Variants in ADSS2 observed in about 807,000 individuals in gnomAD.
ADSS2 encodes adenylosuccinate synthase 2, also known as adenylosuccinate synthetase isozyme 2.
ADSS2 carries 30 observed loss-of-function variants against 60.0 expected under a neutral mutation model. The ratio of observed to expected loss-of-function variants is 0.50; its 90% CI spans 0.37 to 0.68. The LOEUF (loss-of-function observed/expected upper bound fraction) is 0.68. Ranked by LOEUF, ADSS2 falls within the 30% of genes least tolerant of loss-of-function variation. The pLI is 0.00. For missense variants in ADSS2, 373 were observed against 554.8 expected (o/e 0.67, Z 3.29); for synonymous variants, 187 against 193.1 (o/e 0.97, Z 0.26).
In ADSS2 at chr1:244,451,666, G is replaced by A. The variant is rs750644509; in HGVS notation, c.152C>T (p.Ala51Val). The A allele has an allele frequency of 1.2e-6, 2 of 1,610,998 alleles. No homozygotes were observed. The highest frequency in any genetic ancestry group is 1.1e-5 in the South Asian group (1 of 90,754). The part of the protein sequence containing the change: ...EGKGKVVDLL[A>V]QDADIVCRCQ... ...GCGGCACACGATGTCGGCGTCCTGC[G>A]CCAGCAGGTCCACCACCTTCCCTTT... is the stretch of plus-strand genomic sequence containing the variant. Residue 51 changes from alanine (A) to valine (V), a missense_variant, in exon 1 of 13, where the codon GCG becomes GTG. Coordinates refer to ENST00000366535, the MANE Select transcript of ADSS2 (RefSeq NM_001126.5). The surrounding 1 kb of genome is among the most constrained non-coding windows in gnomAD (Gnocchi z 6.6).
In ADSS2 at chr1:244,422,866, A is replaced by G. The variant is rs774342769; in HGVS notation, c.632T>C (p.Ile211Thr). Residue 211 changes from isoleucine (I) to threonine (T), a missense_variant, in exon 7 of 13, where the codon ATA becomes ACA. This residue lies in a region of ADSS2 where 139 missense variants were observed against 189.4 expected (regional missense o/e 0.73). Coordinates refer to ENST00000366535, the MANE Select transcript of ADSS2 (RefSeq NM_001126.5). ...QYKSIYPTLE[I>T]DIEGELQKLK... The stretch of plus-strand genomic sequence containing the variant: ...TTTTTGTAATTCACCTTCAATGTCT[A>G]TTTCCAAAGTGGGGTATATAGATTT... 4.4e-6 allele frequency: 7 copies of G among 1,600,310 alleles called. No homozygotes were observed. Among genetic ancestry groups the G allele is most frequent in the Admixed American group, 3.3e-5 (2 of 59,942 alleles).
intron 7 of ADSS2, among the ~76,000 whole-genome samples, chr1:244,421,338 T>C (rs1373368103): frequency 6.6e-6 from 1 of 152,232 alleles, no homozygotes; most frequent in African/African-American, 2.4e-5. Flanking sequence ...TTTAAATATG[T>C]AGACTATTAT....
chr1:244,426,208 A>C (rs762059022), intron 4 of ADSS2, among the ~76,000 whole-genome samples: 1 of 152,192 alleles, frequency 6.6e-6, no homozygotes, highest in Non-Finnish European at 1.5e-5. Context: ...ATCTTAGAGT[A>C]CGCCATTCTC....
intron 1 of ADSS2, among the ~76,000 whole-genome samples, chr1:244,438,129 A>G (rs1031972888): frequency 6.6e-6 from 1 of 152,176 alleles, no homozygotes; most frequent in Non-Finnish European, 1.5e-5. Context: ...TTCCATCTAC[A>G]CACACACAAA....
intron 10 of ADSS2, among the ~76,000 whole-genome samples, chr1:244,416,841 C>G (rs567489865): frequency 6.6e-6 from 1 of 152,260 alleles, no homozygotes; most frequent in Admixed American, 6.5e-5. Context: ...GTGAGAAAAA[C>G]CACATCAAGG....
intron 11 of ADSS2, among the ~76,000 whole-genome samples, chr1:244,413,075 C>T (rs574306258): frequency 9.9e-5 from 15 of 152,284 alleles, no homozygotes; most frequent in African/African-American, 3.4e-4. Flanking sequence ...AGGAACAAGA[C>T]AACATTTGCC....
chr1:244,451,932 C>A, upstream of ADSS2: 2 of 1,117,462 alleles, frequency 1.8e-6, no homozygotes, highest in Admixed American at 3.2e-5. The surrounding 1 kb of genome is among the most constrained non-coding windows in gnomAD (Gnocchi z 6.6). Flanking sequence ...AGAGGCCGGC[C>A]CCGCCCCCGC....
chr1:244,450,636 T>C (rs1428093250), intron 1 of ADSS2, among the ~76,000 whole-genome samples: 1 of 152,196 alleles, frequency 6.6e-6, no homozygotes, highest in African/African-American at 2.4e-5. Context: ...AAATATTACA[T>C]TATGCTTTGT....
In ADSS2 at chr1:244,409,555, C is replaced by A; in HGVS notation, c.*31G>T. ...TAAGAAAGTCTTTTCCCCTCCCTCT[C>A]AAGGAGTGTTTCTTGCATTACTGGC... On this transcript the variant is annotated 3_prime_UTR_variant, in exon 13 of 13. Coordinates refer to ENST00000366535, the MANE Select transcript of ADSS2 (RefSeq NM_001126.5). 1 of 1,553,412 alleles carries A rather than the reference C, an allele frequency of 6.4e-7. No individual in the cohort carries two copies. Among genetic ancestry groups the A allele is most frequent in the South Asian group, 1.1e-5 (1 of 88,646 alleles).
chr1:244,451,437 C>A lies in ADSS2; in HGVS notation c.183+198G>T, dbSNP rs533210011. ...CTCCAGGGCCACCCCAAGTTTCACC[C>A]GACGCTCCAGGTCAGGGGTCCCCGA... On this transcript the variant is annotated intron_variant, in intron 1 of 12. Coordinates refer to ENST00000366535, the MANE Select transcript of ADSS2 (RefSeq NM_001126.5). The surrounding 1 kb of genome is among the most constrained non-coding windows in gnomAD (Gnocchi z 6.6). 6.6e-6 allele frequency among the ~76,000 whole-genome samples: 1 copy of A among 152,326 alleles called. No homozygotes were observed. Among genetic ancestry groups the A allele is most frequent in the South Asian group, 2.1e-4 (1 of 4,830 alleles).
Position 244,409,253 on chromosome 1 carries a change from A to C in ADSS2, c.*333T>G, listed in dbSNP as rs1473595764. Reference sequence around the variant, plus strand: ...TAAAACTTAAGAACACGCAATGACAATAATGAAGAAAAACTACATTAAAAG... The same window carrying C: ...TAAAACTTAAGAACACGCAATGACACTAATGAAGAAAAACTACATTAAAAG... On this transcript the variant is annotated 3_prime_UTR_variant, in exon 13 of 13. Coordinates refer to ENST00000366535, the MANE Select transcript of ADSS2 (RefSeq NM_001126.5). The C allele has an allele frequency of 5.0e-6, 1 of 200,552 alleles. No individual in the cohort carries two copies. The highest frequency in any genetic ancestry group is 1.2e-4 in the East Asian group (1 of 8,492). The allele number at this position is 200,552 out of a possible 1,614,324, so 12.4% of individuals were successfully genotyped here.
intron 11 of ADSS2, among the ~76,000 whole-genome samples, chr1:244,412,611 A>G (rs760799066): frequency 2.0e-5 from 3 of 152,212 alleles, no homozygotes; most frequent in Non-Finnish European, 4.4e-5. Flanking sequence ...CAGAACTTAG[A>G]CAAAATTCCA....
intron 1 of ADSS2, among the ~76,000 whole-genome samples, chr1:244,445,841 A>C (rs1042441018): frequency 1.1e-4 from 16 of 152,164 alleles, no homozygotes; most frequent in African/African-American, 2.9e-4. Flanking sequence ...ACCTGAAACA[A>C]TGGTCTCTTT....
At chr1:244,410,357 T>C (rs1664383254) in intron 12 of ADSS2, among the ~76,000 whole-genome samples, 1 of 152,102 alleles carries the variant, frequency 6.6e-6, no homozygotes, top group African/African-American at 2.4e-5. Context: ...CAAATATCCA[T>C]CAATGCCAAC....
At chr1:244,435,194 A>AAAAAAAAAAAAAAAAAACAAAC (rs1553308065) in intron 3 of ADSS2, among the ~76,000 whole-genome samples, 1 of 127,852 alleles carries the variant, frequency 7.8e-6, no homozygotes, top group African/African-American at 3.2e-5. Flanking sequence ...AAAAAAAAAA[A>AAAAAAAAAAAAAAAAAACAAAC]AAACAAACCT....
At chr1:244,439,750 A>G (rs1665192259) in intron 1 of ADSS2, among the ~76,000 whole-genome samples, 1 of 152,158 alleles carries the variant, frequency 6.6e-6, no homozygotes, top group African/African-American at 2.4e-5. Context: ...TGTGGCCCAG[A>G]CTATCTTCCA....
chr1:244,450,374 T>A (rs1327760218), intron 1 of ADSS2, among the ~76,000 whole-genome samples: 1 of 152,214 alleles, frequency 6.6e-6, no homozygotes, highest in Non-Finnish European at 1.5e-5. Flanking sequence ...GTGCAACAGC[T>A]ATTTCAGAAT....
intron 9 of ADSS2, 118 bp downstream of exon 9, chr1:244,418,642 T>C: frequency 9.3e-7 from 1 of 1,072,238 alleles, no homozygotes; most frequent in East Asian, 2.9e-5. Context: ...TTTAAGAAAA[T>C]GTTGTTCTGA....
At position 244,409,574 on chromosome 1, in the gene ADSS2, T is replaced by C. The variant is rs1482569529; in HGVS notation, c.*12A>G. 2.2e-5 allele frequency: 35 copies of C among 1,599,516 alleles called. No individual in the cohort carries two copies. Among genetic ancestry groups the C allele is most frequent in the Admixed American group, 8.4e-5 (5 of 59,724 alleles). ...CCCTCTCAAGGAGTGTTTCTTGCAT[T>C]ACTGGCAATCATTAAAAGAGTTGAA... is the stretch of plus-strand genomic sequence containing the variant. On this transcript the variant is annotated 3_prime_UTR_variant, in exon 13 of 13. Transcript: ENST00000366535.
Sources: gnomAD v4.1 joint callset for allele counts (sites outside exome capture counted in the v4.1 genomes callset) on GRCh38, gnomAD v4.1.1 for gene constraint, gnomAD v4.1.1 regional missense constraint, Gnocchi (gnomAD v3.1) non-coding constraint, MANE v1.5 for transcripts, NCBI Gene and HGNC (gene_info 2026-07-23, HGNC 2026-07-21) for gene names.